ADAMTS17: variants seen among roughly 807,000 people sequenced by gnomAD.
ADAMTS17 encodes the protein A disintegrin and metalloproteinase with thrombospondin motifs 17.
In ADAMTS17, 113 loss-of-function variants were observed where a neutral mutation model predicts 141.5. The ratio of observed to expected loss-of-function variants is 0.80; its 90% CI spans 0.69 to 0.93. The LOEUF is 0.93. ADAMTS17 is among the 40% of genes least tolerant of loss of function. The probability of loss-of-function intolerance (pLI) is 0.00; values close to 1 mark genes in which losing one functional copy is unlikely to be tolerated. For missense variants in ADAMTS17, 1,659 were observed against 1,517.9 expected, an observed-to-expected ratio of 1.09 and a Z score of -1.54; for synonymous variants, 768 against 630.6, an observed-to-expected ratio of 1.22 and a Z score of -3.27.
rs147586100 is a variant in ADAMTS17 at position 100,287,422 on chromosome 15, G to C, written c.617-6021C>G. Among the ~76,000 whole-genome samples, 236 of 152,290 alleles carry C rather than the reference G, an allele frequency of 1.5e-3. 2 individuals carry two copies. Among genetic ancestry groups the C allele is most frequent in the African/African-American group, 5.3e-3 (219 of 41,552 alleles). ...AAATCGATCAGCCGTTGGCATCCTT[G>C]AAAGAGAAGGAGAGAAAGCAAGCAA... On this transcript the variant is annotated intron_variant, in intron 3 of 21. Coordinates refer to ENST00000268070, the MANE Select transcript of ADAMTS17 (RefSeq NM_139057.4).
chr15:100,278,656 A>G (rs1031591289), intron 4 of ADAMTS17, among the ~76,000 whole-genome samples: 3 of 152,200 alleles, frequency 2.0e-5, no homozygotes, highest in African/African-American at 4.8e-5. Flanking sequence ...AGTTTCCTGC[A>G]GAGAGAGGCA....
chr15:99,991,657 C>T (rs148247004), intron 20 of ADAMTS17, among the ~76,000 whole-genome samples: 1 of 152,202 alleles, frequency 6.6e-6, no homozygotes, highest in Admixed American at 6.5e-5. Context: ...TTTGACCCAG[C>T]AATCCCTTTA....
intron 15 of ADAMTS17, among the ~76,000 whole-genome samples, chr15:100,095,241 A>G (rs2035687257): frequency 6.6e-6 from 1 of 152,148 alleles, no homozygotes; most frequent in Admixed American, 6.5e-5. Flanking sequence ...CTAGGTACCC[A>G]TCTTTAAAAT....
intron 3 of ADAMTS17, among the ~76,000 whole-genome samples, chr15:100,311,908 T>C (rs570348641): frequency 6.6e-6 from 1 of 152,318 alleles, no homozygotes; most frequent in African/African-American, 2.4e-5. Context: ...TCTTTATGTG[T>C]TGCAGTAGAC....
chr15:100,041,940 A>G (rs140528005), intron 18 of ADAMTS17, among the ~76,000 whole-genome samples: 453 of 152,314 alleles, frequency 3.0e-3, no homozygotes, highest in African/African-American at 0.01. Flanking sequence ...AAGAGTAACA[A>G]TAACATAGAA....
At chr15:100,217,434 C>A (rs989398657) in intron 7 of ADAMTS17, among the ~76,000 whole-genome samples, 2 of 152,070 alleles carry the variant, frequency 1.3e-5, no homozygotes, top group African/African-American at 4.8e-5. Context: ...CCTGTCTCTA[C>A]TAAAAATACA....
chr15:99,971,701 C>T lies in ADAMTS17; in HGVS notation c.*2701G>A, dbSNP rs13329612. The stretch of plus-strand genomic sequence containing the variant: ...GAGGCTCTTTTCCTGCATTCTGATC[C>T]TATCCAGCAACGGTCAGCTGAGAGG... On this transcript the variant is annotated 3_prime_UTR_variant, in exon 22 of 22. Coordinates refer to ENST00000268070, the MANE Select transcript of ADAMTS17 (RefSeq NM_139057.4). 6.6e-6 allele frequency: 1 copy of T among 152,120 alleles called. No homozygotes were observed. Among genetic ancestry groups the T allele is most frequent in the Admixed American group, 6.5e-5 (1 of 15,276 alleles). The allele number at this position is 152,120 out of a possible 1,614,324, so 9.4% of individuals were successfully genotyped here.
intron 19 of ADAMTS17, among the ~76,000 whole-genome samples, chr15:99,996,139 C>G (rs947553815): frequency 1.1e-4 from 17 of 151,620 alleles, no homozygotes; most frequent in African/African-American, 4.1e-4. Context: ...ACTGCAACCT[C>G]TACCTCCCAG....
intron 18 of ADAMTS17, among the ~76,000 whole-genome samples, chr15:100,021,136 C>A (rs1371944300): frequency 6.6e-6 from 1 of 152,112 alleles, no homozygotes; most frequent in Non-Finnish European, 1.5e-5. Context: ...CATAGGGGAC[C>A]CCTGACTCTC....
intron 18 of ADAMTS17, among the ~76,000 whole-genome samples, chr15:99,999,597 G>C (rs1044884897): frequency 1.3e-5 from 2 of 152,218 alleles, no homozygotes; most frequent in Admixed American, 1.3e-4. Flanking sequence ...GAGATACCTA[G>C]GGCCTGGCTG....
intron 13 of ADAMTS17, among the ~76,000 whole-genome samples, chr15:100,116,123 A>G (rs1482854296): frequency 2.8e-5 from 4 of 140,992 alleles, no homozygotes; most frequent in African/African-American, 1.1e-4. Context: ...AAAGAAGAAC[A>G]GTTTTAGGTA....
chr15:100,076,958 T>C (rs529050595), intron 15 of ADAMTS17, among the ~76,000 whole-genome samples: 1 of 152,220 alleles, frequency 6.6e-6, no homozygotes, highest in African/African-American at 2.4e-5. Flanking sequence ...AGTTTATATA[T>C]CTACTCACCT....
chr15:100,124,012 G>A (rs1050158384), intron 12 of ADAMTS17, among the ~76,000 whole-genome samples: 1 of 151,224 alleles, frequency 6.6e-6, no homozygotes, highest in Non-Finnish European at 1.5e-5. Context: ...CATCCAGGCT[G>A]GAGTGCAGTG....
intron 7 of ADAMTS17, among the ~76,000 whole-genome samples, chr15:100,221,635 T>G (rs57219150): frequency 6.6e-6 from 1 of 152,128 alleles, no homozygotes; most frequent in African/African-American, 2.4e-5. Context: ...TCATGACCAC[T>G]TGCTGAAGCC....
At chr15:100,148,655 TTC>T (rs762158497) in intron 10 of ADAMTS17, among the ~76,000 whole-genome samples, 1 of 152,122 alleles carries the variant, frequency 6.6e-6, no homozygotes, top group Non-Finnish European at 1.5e-5. Context: ...CTTGAAGATT[TTC>T]TCTTTTTCAC....
At chr15:100,287,514 T>G (rs1158145221) in intron 3 of ADAMTS17, among the ~76,000 whole-genome samples, 1 of 151,984 alleles carries the variant, frequency 6.6e-6, no homozygotes, top group Non-Finnish European at 1.5e-5. Flanking sequence ...AGGACAACAT[T>G]CAAATTCAGG....
intron 7 of ADAMTS17, among the ~76,000 whole-genome samples, chr15:100,208,295 T>C (rs2041657959): frequency 1.3e-5 from 2 of 152,222 alleles, no homozygotes; most frequent in Admixed American, 6.5e-5. Context: ...CAGAAACATG[T>C]GCTGCTTGTT....
chr15:99,977,934 G>A (rs559499247), intron 20 of ADAMTS17, among the ~76,000 whole-genome samples: 4 of 152,310 alleles, frequency 2.6e-5, no homozygotes, highest in Admixed American at 2.6e-4. Flanking sequence ...GATTTACAGG[G>A]TTCTGAGAGC....
At chr15:100,141,036 G>A (rs2038621242) in intron 10 of ADAMTS17, among the ~76,000 whole-genome samples, 2 of 152,220 alleles carry the variant, frequency 1.3e-5, no homozygotes, top group South Asian at 4.1e-4. Context: ...CCCGGCGGCA[G>A]TGCTTGAGTT....
Sources: allele counts gnomAD v4.1 joint callset (sites outside exome capture counted in the v4.1 genomes callset), GRCh38; gene constraint gnomAD v4.1.1; transcripts MANE v1.5; gene names NCBI Gene and HGNC (gene_info 2026-07-23, HGNC 2026-07-21).